Variants in MSR1 observed in about 807,000 individuals in gnomAD.
MSR1 encodes macrophage scavenger receptor 1.
A neutral mutation model predicts 47.2 loss-of-function variants in MSR1; 53 were observed. The ratio of observed to expected loss-of-function variants is 1.12; its 90% CI spans 0.90 to 1.41. MSR1 has a LOEUF of 1.41. Among genes scored for constraint, MSR1 ranks in the 40% most tolerant of loss-of-function variants. The pLI is 0.00. For missense variants in MSR1, 786 were observed against 546.9 expected (o/e 1.44, Z -4.36); for synonymous variants, 239 against 185.6 (o/e 1.29, Z -2.34).
At chr8:16,187,440 C>A (rs1585202450) in intron 1 of MSR1, among the ~76,000 whole-genome samples, 1 of 147,596 alleles carries the variant, frequency 6.8e-6, no homozygotes, top group African/African-American at 2.5e-5. Context: ...TCCTGAACAT[C>A]CATTTTCAAC....
chr8:16,120,430 G>GAGCT lies in MSR1; in HGVS notation c.1206_1209dup (p.His404SerfsTer14). 1 of 1,613,572 alleles carries GAGCT rather than the reference G, an allele frequency of 6.2e-7. No homozygotes were observed. Among genetic ancestry groups the GAGCT allele is most frequent in the Non-Finnish European group, 8.5e-7 (1 of 1,179,832 alleles). On this transcript the variant is annotated frameshift_variant, in exon 9 of 10. Coordinates refer to ENST00000262101, the MANE Select transcript of MSR1 (RefSeq NM_138715.3). LOFTEE classifies it high-confidence loss of function. Reference sequence around the variant, plus strand: ...TTCTTTAAATTACCTTGTCCAAAGTGAGCTGCCTTGTGCACGGCTTGAACA... The same window carrying GAGCT: ...TTCTTTAAATTACCTTGTCCAAAGTGAGCTAGCTGCCTTGTGCACGGCTTGAACA...
chr8:16,182,737 C>T (rs1379038127), intron 1 of MSR1, among the ~76,000 whole-genome samples: 1 of 152,074 alleles, frequency 6.6e-6, no homozygotes, highest in African/African-American at 2.4e-5. Context: ...GCTGTCATCT[C>T]CTATGATAAC....
chr8:16,108,329 A>G lies in MSR1; in HGVS notation c.*1756T>C, dbSNP rs1799681508. ...ATACTAATAGTTAATACTAACAGTT[A>G]ACACTAATAGTTAATACTATTGACA... is the stretch of plus-strand genomic sequence containing the variant. On this transcript the variant is annotated 3_prime_UTR_variant, in exon 10 of 10. Transcript: ENST00000262101. The G allele has an allele frequency of 6.6e-6, 1 of 151,204 alleles. No homozygotes were observed. The highest frequency in any genetic ancestry group is 6.6e-5 in the Admixed American group (1 of 15,198). 9.4% of individuals were successfully genotyped at this position (151,204 alleles called of 1,614,324 possible).
At chr8:16,112,618 T>A (rs950426710) in intron 9 of MSR1, among the ~76,000 whole-genome samples, 1 of 152,122 alleles carries the variant, frequency 6.6e-6, no homozygotes, top group African/African-American at 2.4e-5. Flanking sequence ...ATAAAATTCA[T>A]AAAATTTTAT....
Position 16,168,660 on chromosome 8 carries a change from T to G in MSR1, c.428A>C (p.Asn143Thr). ...TCTTTGATCAGTTGTCATGCTGAAA[T>G]TTTGGAAATGCTCTGTGTCCATGAG... ...ANLMDTEHFQ[N>T]FSMTTDQRFN... The change falls in exon 4 of 10, where the codon AAT becomes ACT. Residue 143 changes from asparagine (N) to threonine (T), a missense_variant. By Grantham distance (65) the Asn-to-Thr change is moderately conservative. Transcript: ENST00000262101. The G allele has an allele frequency of 6.2e-7, 1 of 1,614,022 alleles. No homozygotes were observed. Among genetic ancestry groups the G allele is most frequent in the Non-Finnish European group, 8.5e-7 (1 of 1,180,000 alleles).
chr8:16,150,299 A>G lies in MSR1; in HGVS notation c.911T>C (p.Leu304Pro). 6.4e-7 allele frequency: 1 copy of G among 1,573,884 alleles called. No individual in the cohort carries two copies. Among genetic ancestry groups the G allele is most frequent in the Non-Finnish European group, 8.6e-7 (1 of 1,156,772 alleles). ...GFPGPIGPPG[L>P]KGDRGAIGFP... The stretch of plus-strand genomic sequence containing the variant: ...GCCAATTGCTCCCCGATCACCTTTA[A>G]GACCCGGAGGACCTACATTATTAAC... Residue 304 changes from leucine to proline, a missense_variant, in exon 7 of 10, where the codon CTT becomes CCT. Physicochemically the swap from Leu to Pro is moderately conservative, Grantham distance 98 (BLOSUM62 -3). Transcript: ENST00000262101.
intron 9 of MSR1, among the ~76,000 whole-genome samples, chr8:16,110,834 CACAA>C (rs1799740758): frequency 6.6e-6 from 1 of 152,094 alleles, no homozygotes; most frequent in Non-Finnish European, 1.5e-5. Context: ...TGATTGCAAA[CACAA>C]ACAAACAGCA....
intron 6 of MSR1, among the ~76,000 whole-genome samples, chr8:16,151,715 G>A (rs1350520077): frequency 6.6e-6 from 1 of 152,122 alleles, no homozygotes; most frequent in African/African-American, 2.4e-5. Context: ...TCATTTTAGA[G>A]ACAGTTCCAT....
chr8:16,137,233 G>C (rs1800412473), intron 8 of MSR1, among the ~76,000 whole-genome samples: 3 of 152,068 alleles, frequency 2.0e-5, no homozygotes, highest in Admixed American at 1.3e-4. Flanking sequence ...ATGTTTCTGA[G>C]TAATATCCTT....
intron 1 of MSR1, chr8:16,186,052 T>G: frequency 1.0e-6 from 1 of 993,320 alleles, no homozygotes; most frequent in South Asian, 1.6e-5. Context: ...ATTTAAGTTG[T>G]TTTTCCTGTG....
chr8:16,189,110 T>C (rs1046044933), intron 1 of MSR1, among the ~76,000 whole-genome samples: 1 of 145,972 alleles, frequency 6.9e-6, no homozygotes, highest in Non-Finnish European at 1.5e-5. Flanking sequence ...TTTACATATA[T>C]TTCATATATA....
chr8:16,111,910 A>G (rs1799764237), intron 9 of MSR1, among the ~76,000 whole-genome samples: 2 of 152,170 alleles, frequency 1.3e-5, no homozygotes, highest in South Asian at 4.1e-4. Flanking sequence ...ACTGCCTTAA[A>G]TCAATGACTT....
chr8:16,189,363 T>C (rs1314011881), intron 1 of MSR1, among the ~76,000 whole-genome samples: 4 of 117,632 alleles, frequency 3.4e-5, no homozygotes, highest in African/African-American at 1.3e-4. Flanking sequence ...TATATATTTT[T>C]ATATATATTT....
chr8:16,189,874 C>A (rs1164959588), intron 1 of MSR1, among the ~76,000 whole-genome samples: 1 of 146,050 alleles, frequency 6.8e-6, no homozygotes, highest in Non-Finnish European at 1.5e-5. Context: ...TCCCAGGGGG[C>A]AATGCTTCAC....
chr8:16,126,757 A>G (rs1800138293), intron 8 of MSR1, among the ~76,000 whole-genome samples: 1 of 152,154 alleles, frequency 6.6e-6, no homozygotes, highest in African/African-American at 2.4e-5. Context: ...GGATTTCACC[A>G]CGTAGCCTAG....
chr8:16,180,675 G>A (rs146148748), intron 1 of MSR1, among the ~76,000 whole-genome samples: 4 of 152,300 alleles, frequency 2.6e-5, no homozygotes, highest in African/African-American at 9.6e-5. Context: ...GGAAATGAAG[G>A]GCGATCATTC....
intron 1 of MSR1, among the ~76,000 whole-genome samples, chr8:16,183,282 C>T (rs752722363): frequency 1.3e-5 from 2 of 151,898 alleles, no homozygotes; most frequent in South Asian, 2.1e-4. Flanking sequence ...CAGGTAAGAC[C>T]GTTTGTGAAA....
At chr8:16,156,983 G>A (rs140022210) in intron 5 of MSR1, among the ~76,000 whole-genome samples, 15 of 152,032 alleles carry the variant, frequency 9.9e-5, no homozygotes, top group African/African-American at 3.6e-4. Context: ...GAATCCCAGG[G>A]GAGGGGGGCA....
chr8:16,114,952 T>C (rs1585131311), intron 9 of MSR1, among the ~76,000 whole-genome samples: 1 of 151,752 alleles, frequency 6.6e-6, no homozygotes, highest in Admixed American at 6.6e-5. Context: ...CTGAGGTGGG[T>C]GGATCTCGTG....
Sources: gnomAD v4.1 joint callset for allele counts (sites outside exome capture counted in the v4.1 genomes callset) on GRCh38, gnomAD v4.1.1 for gene constraint, MANE v1.5 for transcripts, NCBI Gene and HGNC (gene_info 2026-07-23, HGNC 2026-07-21) for gene names.